Variants in APBB2 observed in about 807,000 individuals in gnomAD.
APBB2 encodes Fe65-like 1.
Under a neutral mutation model 82.5 loss-of-function variants are expected in APBB2, and 38 were observed. The observed-to-expected ratio is 0.46, with a 90% CI of 0.36 to 0.60. APBB2 has a LOEUF of 0.60. Among genes scored for constraint, APBB2 ranks in the 20% least tolerant of loss-of-function variants. The probability of loss-of-function intolerance (pLI) is 0.00; values close to 1 mark genes in which losing one functional copy is unlikely to be tolerated. For synonymous variants in APBB2, 341 were observed against 368.2 expected (o/e 0.93, Z 0.85); for missense variants, 772 against 972.3 (o/e 0.79, Z 2.74).
At chr4:41,028,159 C>T (rs986547523) in intron 5 of APBB2, among the ~76,000 whole-genome samples, 8 of 152,236 alleles carry the variant, frequency 5.3e-5, no homozygotes, top group Non-Finnish European at 8.8e-5. Flanking sequence ...ATTTTTTGTG[C>T]ACTACTCCAT....
At chr4:41,102,833 C>A in intron 2 of APBB2, among the ~76,000 whole-genome samples, 1 of 152,144 alleles carries the variant, frequency 6.6e-6, no homozygotes, top group Admixed American at 6.5e-5. Flanking sequence ...TGTATTTAAC[C>A]ATTTAGTATG....
chr4:40,863,264 T>C (rs1763217064), intron 12 of APBB2, among the ~76,000 whole-genome samples: 1 of 152,218 alleles, frequency 6.6e-6, no homozygotes, highest in Non-Finnish European at 1.5e-5. Context: ...TCAGAAGCAT[T>C]CACCATGGGT....
Position 41,193,485 on chromosome 4 carries a change from C to T in APBB2, c.-417+20920G>A, listed in dbSNP as rs924089843. ...GATATGCAGAAAGAACTGAAGGGCA[C>T]CAAAACCTCAGTCCTACCCCTAGAC... On this transcript the variant is annotated intron_variant, in intron 1 of 17. Transcript: ENST00000508593. 3 of 804,772 alleles carry T rather than the reference C, an allele frequency of 3.7e-6. No individual in the cohort carries two copies. In the African/African-American group the frequency reaches 5.6e-5, roughly 15 times the overall value. 49.9% of individuals were successfully genotyped at this position (804,772 alleles called of 1,614,324 possible).
chr4:40,827,996 G>T (rs887928174), intron 13 of APBB2, among the ~76,000 whole-genome samples: 7 of 152,146 alleles, frequency 4.6e-5, no homozygotes, highest in African/African-American at 1.7e-4. Context: ...TTGACAAGGG[G>T]TTTCCCCTTT....
intron 6 of APBB2, among the ~76,000 whole-genome samples, chr4:40,983,104 G>A (rs1251512569): frequency 6.6e-6 from 1 of 152,200 alleles, no homozygotes; most frequent in Non-Finnish European, 1.5e-5. Context: ...GCTGTTCTAA[G>A]TACTTCATGT....
intron 6 of APBB2, among the ~76,000 whole-genome samples, chr4:41,008,272 GC>G (rs2154426419): frequency 6.6e-6 from 1 of 152,310 alleles, no homozygotes; most frequent in Admixed American, 6.5e-5. Context: ...ATCTCAGTGT[GC>G]CTTCCCCAGT....
intron 1 of APBB2, among the ~76,000 whole-genome samples, chr4:41,178,777 T>C (rs1261557276): frequency 6.6e-6 from 1 of 152,178 alleles, no homozygotes; most frequent in East Asian, 1.9e-4. Context: ...AAGACCACAT[T>C]CTTAATAAGT....
chr4:40,974,848 C>G (rs546752038), intron 6 of APBB2, among the ~76,000 whole-genome samples: 114 of 152,278 alleles, frequency 7.5e-4, no homozygotes, highest in African/African-American at 2.6e-3. Flanking sequence ...ATTACAAATG[C>G]CGAGGGGCAT....
At chr4:40,884,358 A>G (rs1231622026) in intron 12 of APBB2, among the ~76,000 whole-genome samples, 1 of 152,242 alleles carries the variant, frequency 6.6e-6, no homozygotes, top group African/African-American at 2.4e-5. Context: ...TAATCCCAAT[A>G]TTCCTCAGGA....
At chr4:41,030,659 C>T (rs17442687) in intron 5 of APBB2, among the ~76,000 whole-genome samples, 1,782 of 151,960 alleles carry the variant, frequency 0.012, 23 homozygotes, top group Non-Finnish European at 0.018. Flanking sequence ...TCTAGACTTA[C>T]GGGCAAGCCT....
In APBB2 at chr4:41,065,614, C is replaced by T. The variant is rs1731445098; in HGVS notation, c.-89G>A. On this transcript the variant is annotated 5_prime_UTR_variant, in exon 4 of 18. The change abolishes the stop of an existing upstream ORF in the 5' untranslated region. Transcript: ENST00000508593. ...ACAACAGTGAGCCCATAGCGACAGT[C>T]AACACATTGGCAGAGGCCTCGGCAG... 1 of 151,316 alleles carries T rather than the reference C, an allele frequency of 6.6e-6. No individual in the cohort carries two copies. Among genetic ancestry groups the T allele is most frequent in the African/African-American group, 2.4e-5 (1 of 41,052 alleles). The allele number at this position is 151,316 out of a possible 1,614,324, so 9.4% of individuals were successfully genotyped here. A position where few individuals can be genotyped will look rare whatever the true frequency, so the allele number is the denominator to read the frequency against.
chr4:40,851,885 T>C (rs2154326727), intron 12 of APBB2, among the ~76,000 whole-genome samples: 1 of 152,044 alleles, frequency 6.6e-6, no homozygotes. Flanking sequence ...AGTATTTAGT[T>C]CTACTTTACA....
intron 12 of APBB2, among the ~76,000 whole-genome samples, chr4:40,866,975 C>T (rs1420038175): frequency 2.0e-5 from 3 of 152,156 alleles, no homozygotes; most frequent in Non-Finnish European, 4.4e-5. Context: ...AGGCTGGTCT[C>T]GAACTCCTGA....
intron 4 of APBB2, among the ~76,000 whole-genome samples, chr4:41,035,770 A>T (rs1285352428): frequency 6.6e-6 from 1 of 152,236 alleles, no homozygotes; most frequent in Non-Finnish European, 1.5e-5. Flanking sequence ...GAATATGTAC[A>T]GACTTTTTTT....
chr4:41,002,279 T>A (rs1191019817), intron 6 of APBB2, among the ~76,000 whole-genome samples: 1 of 152,208 alleles, frequency 6.6e-6, no homozygotes, highest in African/African-American at 2.4e-5. Flanking sequence ...CTTAACCAGA[T>A]TAACAGATGG....
At chr4:41,208,303 C>T (rs760002323) in intron 1 of APBB2, among the ~76,000 whole-genome samples, 2 of 152,212 alleles carry the variant, frequency 1.3e-5, no homozygotes, top group African/African-American at 2.4e-5. Context: ...GCCCTTTCAC[C>T]CAGGCTGGAG....
chr4:40,837,376 G>A (rs1457510358), intron 12 of APBB2, among the ~76,000 whole-genome samples: 2 of 152,206 alleles, frequency 1.3e-5, no homozygotes, highest in East Asian at 1.9e-4. Context: ...AGAGCACCAG[G>A]AGGGTCCCAT....
chr4:41,172,850 GA>G (rs1768699187), intron 1 of APBB2, among the ~76,000 whole-genome samples: 1 of 152,134 alleles, frequency 6.6e-6, no homozygotes, highest in African/African-American at 2.4e-5. Flanking sequence ...TTTTTTCAAG[GA>G]TACTTTTTGA....
intron 1 of APBB2, among the ~76,000 whole-genome samples, chr4:41,156,716 T>C (rs373736188): frequency 6.6e-6 from 1 of 152,168 alleles, no homozygotes; most frequent in African/African-American, 2.4e-5. Context: ...ACGTTCCTTA[T>C]CTGTGTGATC....
Sources: gnomAD v4.1 joint callset for allele counts (sites outside exome capture counted in the v4.1 genomes callset) on GRCh38, gnomAD v4.1.1 for gene constraint, MANE v1.5 for transcripts, NCBI Gene and HGNC (gene_info 2026-07-23, HGNC 2026-07-21) for gene names.